Variants in TSPOAP1 observed in about 807,000 individuals in gnomAD.
TSPOAP1 encodes the protein peripheral-type benzodiazepine receptor-associated protein 1.
In TSPOAP1, 87 loss-of-function variants were observed where a neutral mutation model predicts 197.0. The observed-to-expected ratio is 0.44, with a 90% confidence interval of 0.37 to 0.53. The LOEUF is 0.53. Among genes scored for constraint, TSPOAP1 ranks in the 20% least tolerant of loss-of-function variants. TSPOAP1 has a pLI of 0.00. For synonymous variants in TSPOAP1, 913 were observed against 998.9 expected, an observed-to-expected ratio of 0.91 and a Z score of 1.62; for missense variants, 2,174 against 2,411.3, an observed-to-expected ratio of 0.90 and a Z score of 2.06.
At chr17:58,316,373 A>G in intron 15 of TSPOAP1, 52 bp downstream of exon 15, 3 of 1,518,626 alleles carry the variant, frequency 2.0e-6, no homozygotes, top group South Asian at 2.4e-5. Context: ...GCCCCCTCCT[A>G]TACCCCAAAT....
rs775872293 is a variant in TSPOAP1 at position 58,322,107 on chromosome 17, C to G, written c.1422+201G>C. 6.9e-6 allele frequency: 4 copies of G among 582,004 alleles called. No homozygotes were observed. Among genetic ancestry groups the G allele is most frequent in the African/African-American group, 1.9e-5 (1 of 53,256 alleles). The allele number at this position is 582,004 out of a possible 1,614,324, so 36.1% of individuals were successfully genotyped here. Reference sequence around the variant, plus strand: ...CACTTTGTCACATCACCCTGTTCTTCTCCACCACTGTGCTCATCAGTGTCT... The same window carrying G: ...CACTTTGTCACATCACCCTGTTCTTGTCCACCACTGTGCTCATCAGTGTCT... On this transcript the variant is annotated intron_variant, in intron 10 of 31. Transcript: ENST00000343736. The surrounding 1 kb of genome is among the most constrained non-coding windows in gnomAD (Gnocchi z 5.0).
chr17:58,312,359 T>C lies in TSPOAP1; in HGVS notation c.2462A>G (p.His821Arg), dbSNP rs142374154. The change falls in exon 17 of 32, where the codon CAC becomes CGC. Residue 821 changes from histidine to arginine, a missense_variant. This residue lies in a region of TSPOAP1 where 1,933 missense variants were observed against 2,139.0 expected (regional missense o/e 0.90). Coordinates refer to ENST00000343736, the MANE Select transcript of TSPOAP1 (RefSeq NM_004758.4). ...WEPPPEQVEL[H>R]GFHICVNGEL... Reference sequence around the variant, plus strand: ...CCCATTCACACAGATATGGAAGCCGTGTAGCTCCACTTGCTCAGGAGGCGG... The same window carrying C: ...CCCATTCACACAGATATGGAAGCCGCGTAGCTCCACTTGCTCAGGAGGCGG... The C allele has an allele frequency of 2.6e-4, 416 of 1,612,248 alleles. 2 individuals are homozygous for C. The African/African-American group carries it at 4.8e-3, about 19-fold the overall frequency.
chr17:58,324,708 C>T lies in TSPOAP1; in HGVS notation c.942+103G>A. On this transcript the variant is annotated intron_variant, in intron 5 of 31. Transcript: ENST00000343736. This position sits in a 1 kb window ranked among gnomAD's most constrained non-coding sequence, Gnocchi z 5.8. ...GCCCCTGGGAGTGCGCACACCACCA[C>T]TGAGTCCTTGGGGTTCTGAGCACGG... 1 of 1,064,308 alleles carries T rather than the reference C, an allele frequency of 9.4e-7. No individual in the cohort carries two copies. The highest frequency in any genetic ancestry group is 1.3e-6 in the Non-Finnish European group (1 of 788,128). 65.9% of individuals were successfully genotyped at this position (1,064,308 alleles called of 1,614,324 possible).
rs1971057368 is a variant in TSPOAP1 at position 58,310,821 on chromosome 17, C to T, written c.3459+15G>A. On this transcript the variant is annotated intron_variant, in intron 19 of 31. Coordinates refer to ENST00000343736, the MANE Select transcript of TSPOAP1 (RefSeq NM_004758.4). ...TGCCAGCCTGCACCTGCTCCCCTCT[C>T]CCCAGACAGGGTACCTGGGAGCAAG... 1 of 1,571,092 alleles carries T rather than the reference C, an allele frequency of 6.4e-7. No individual in the cohort carries two copies. The highest frequency in any genetic ancestry group is 8.6e-7 in the Non-Finnish European group (1 of 1,156,318).
intron 15 of TSPOAP1, 48 bp downstream of exon 15, chr17:58,316,377 C>T: frequency 3.2e-6 from 5 of 1,544,944 alleles, no homozygotes; most frequent in Non-Finnish European, 4.4e-6. Context: ...CCTCCTATAC[C>T]CCAAATGCTG....
Position 58,325,054 on chromosome 17 carries a change from G to A in TSPOAP1, c.751-52C>T, listed in dbSNP as rs554471787. 7.0e-6 allele frequency: 10 copies of A among 1,427,468 alleles called. 1 individual carries two copies. The South Asian group carries it at 1.3e-4, about 19-fold the overall frequency. The allele number at this position is 1,427,468 out of a possible 1,614,324, so 88.4% of individuals were successfully genotyped here. ...GGGGACTCAGGCCTAATCCTTGCCC[G>A]CCCCATGCCATCCCCTGCAGAGCCC... On this transcript the variant is annotated intron_variant, in intron 4 of 31. Coordinates refer to ENST00000343736, the MANE Select transcript of TSPOAP1 (RefSeq NM_004758.4).
In TSPOAP1 at chr17:58,314,196, C is replaced by T. The variant is rs1319159804; in HGVS notation, c.2099-1474G>A. 2.6e-5 allele frequency among the ~76,000 whole-genome samples: 4 copies of T among 151,850 alleles called. No individual in the cohort carries two copies. The East Asian group carries it at 7.7e-4, about 29-fold the overall frequency. On this transcript the variant is annotated intron_variant, in intron 16 of 31. Coordinates refer to ENST00000343736, the MANE Select transcript of TSPOAP1 (RefSeq NM_004758.4). ...TCACCTCCACCCTCTCTCTCTCTGC[C>T]TATGCTAGGCAAAAAAAAAGTAAGG...
Position 58,327,818 on chromosome 17 carries a change from G to A in TSPOAP1, c.103C>T (p.Pro35Ser). 3 of 1,614,106 alleles carry A rather than the reference G, an allele frequency of 1.9e-6. No individual in the cohort carries two copies. Among genetic ancestry groups the A allele is most frequent in the South Asian group, 1.1e-5 (1 of 91,090 alleles). Reference sequence around the variant, plus strand: ...GCGATGCTTGGGGCTGCACTGCTAGGTTCACCCCCTCGACCTGGAGTCCAG... The same window carrying A: ...GCGATGCTTGGGGCTGCACTGCTAGATTCACCCCCTCGACCTGGAGTCCAG... ...HSWTPGRGGE[P>S]SSAAPSIADT... The change falls in exon 1 of 32, where the codon CCT becomes TCT. Residue 35 changes from proline to serine, a missense_variant. Pro to Ser is a moderately conservative substitution (Grantham distance 74, BLOSUM62 -1). Around this residue, in one of 5 missense-constraint regions of TSPOAP1, gnomAD observed 1,933 missense variants for 2,139.0 expected, o/e 0.90. Coordinates refer to ENST00000343736, the MANE Select transcript of TSPOAP1 (RefSeq NM_004758.4).
Position 58,327,829 on chromosome 17 carries a change from C to A in TSPOAP1, c.92G>T (p.Arg31Leu). Reference protein sequence around the residue: ...LPTWHSWTPGRGGEPSSAAPS... With the variant: ...LPTWHSWTPGLGGEPSSAAPS... ...GGCTGCACTGCTAGGTTCACCCCCT[C>A]GACCTGGAGTCCAGCTATGCCAGGT... The change falls in exon 1 of 32, where the codon CGA becomes CTA. Residue 31 changes from arginine to leucine, a missense_variant. Physicochemically the swap from Arg to Leu is moderately radical, Grantham distance 102 (BLOSUM62 -2). Around this residue, in one of 5 missense-constraint regions of TSPOAP1, gnomAD observed 1,933 missense variants for 2,139.0 expected, o/e 0.90. Transcript: ENST00000343736. 1.9e-6 allele frequency: 3 copies of A among 1,614,022 alleles called. No homozygotes were observed. Among genetic ancestry groups the A allele is most frequent in the Non-Finnish European group, 2.5e-6 (3 of 1,180,006 alleles).
Position 58,326,676 on chromosome 17 carries a change from G to C in TSPOAP1, c.441+7C>G. 1 of 1,613,728 alleles carries C rather than the reference G, an allele frequency of 6.2e-7. No homozygotes were observed. Among genetic ancestry groups the C allele is most frequent in the Non-Finnish European group, 8.5e-7 (1 of 1,179,738 alleles). On this transcript the variant is annotated splice_region_variant and intron_variant, in intron 2 of 31. Transcript: ENST00000343736. This position sits in a 1 kb window ranked among gnomAD's most constrained non-coding sequence, Gnocchi z 4.7. ...CAGAACGCAGCACCCCAGTCTCCAA[G>C]CCTCACCAGCATCTGGTTTTCCTCC...
Position 58,310,141 on chromosome 17 carries a change from C to G in TSPOAP1, c.3717G>C (p.Glu1239Asp). 1 of 1,612,888 alleles carries G rather than the reference C, an allele frequency of 6.2e-7. No individual in the cohort carries two copies. Among genetic ancestry groups the G allele is most frequent in the Non-Finnish European group, 8.5e-7 (1 of 1,179,910 alleles). ...RPRAEKEDTA[E>D]LGVHLVNSLV... ...GGGAGTTCACCAGATGAACCCCAAG[C>G]TCTGCTGTGTCCTCCTTCTGCAAGA... is the stretch of plus-strand genomic sequence containing the variant. Residue 1239 changes from glutamate to aspartate, a missense_variant, in exon 21 of 32, where the codon GAG becomes GAC. Transcript: ENST00000343736.
intron 22 of TSPOAP1, 74 bp from the exon 23 acceptor site, chr17:58,308,015 C>T: frequency 1.4e-6 from 2 of 1,407,654 alleles, no homozygotes. Context: ...CCCAGCTCTG[C>T]CCCATCAGCG....
At position 58,305,653 on chromosome 17, in the gene TSPOAP1, G is replaced by C. The variant is rs781423628; in HGVS notation, c.5258-10C>G. The C allele has an allele frequency of 1.4e-6, 2 of 1,449,556 alleles. No homozygotes were observed. The highest frequency in any genetic ancestry group is 4.1e-5 in the Admixed American group (2 of 48,694). 89.8% of individuals were successfully genotyped at this position (1,449,556 alleles called of 1,614,324 possible). On this transcript the variant is annotated splice_polypyrimidine_tract_variant and intron_variant, in intron 27 of 31. Transcript: ENST00000343736. Reference sequence around the variant, plus strand: ...ACCAGCTTAGGGGGGCCTGCAGGGGGAGTAGGAGAAGACTCTGGACTCTCT... The same window carrying C: ...ACCAGCTTAGGGGGGCCTGCAGGGGCAGTAGGAGAAGACTCTGGACTCTCT...
rs3744101 is a variant in TSPOAP1, at chr17:58,310,101, G to C, written c.3757C>G (p.Arg1253Gly). ...TGGATGTCTGACAGGTCTGAGTTGC[G>C]GCCGTGGTCCACGAGGGAGTTCACC... is the stretch of plus-strand genomic sequence containing the variant. ...HLVNSLVDHGRNSDLSDIQEE... is the reference protein window; with the variant it reads ...HLVNSLVDHGGNSDLSDIQEE... The change falls in exon 21 of 32, where the codon CGC (arginine) becomes GGC (glycine). Residue 1253 changes from arginine (R) to glycine (G), a missense_variant. Around this residue, in one of 5 missense-constraint regions of TSPOAP1, gnomAD observed 1,933 missense variants for 2,139.0 expected, o/e 0.90. Coordinates refer to ENST00000343736, the MANE Select transcript of TSPOAP1 (RefSeq NM_004758.4). 6.2e-7 allele frequency: 1 copy of C among 1,613,318 alleles called. No homozygotes were observed. Among genetic ancestry groups the C allele is most frequent in the Non-Finnish European group, 8.5e-7 (1 of 1,180,010 alleles).
chr17:58,320,993 A>G (rs761362466), intron 10 of TSPOAP1, among the ~76,000 whole-genome samples: 3 of 152,042 alleles, frequency 2.0e-5, no homozygotes, highest in African/African-American at 4.8e-5. Context: ...CTCTCTTCCT[A>G]GGGCTCCCAT....
At position 58,309,915 on chromosome 17, in the gene TSPOAP1, A is replaced by T. The variant is rs529287168; in HGVS notation, c.3891+52T>A. ...GAGCACCTGCTGACACACAGTGGGG[A>T]GGCCCCGGAGTTTGAGGCCTGGGGC... On this transcript the variant is annotated intron_variant, in intron 21 of 31. Coordinates refer to ENST00000343736, the MANE Select transcript of TSPOAP1 (RefSeq NM_004758.4). The surrounding 1 kb of genome is among the most constrained non-coding windows in gnomAD (Gnocchi z 5.0). 4 of 1,556,024 alleles carry T rather than the reference A, an allele frequency of 2.6e-6. No individual in the cohort carries two copies. Among genetic ancestry groups the T allele is most frequent in the African/African-American group, 2.7e-5 (2 of 73,910 alleles).
At chr17:58,314,136 G>A (rs113453716) in intron 16 of TSPOAP1, among the ~76,000 whole-genome samples, 2 of 151,978 alleles carry the variant, frequency 1.3e-5, no homozygotes, top group Non-Finnish European at 2.9e-5. Flanking sequence ...GCTGCAGGGG[G>A]GCCTGGAGTT....
chr17:58,316,689 C>T, intron 14 of TSPOAP1, 149 bp from the exon 15 acceptor site: 1 of 620,224 alleles, frequency 1.6e-6, no homozygotes, highest in Non-Finnish European at 2.8e-6. Flanking sequence ...GCAAGGACCC[C>T]CTGATGCTCT....
chr17:58,315,435 A>G (rs899437021), intron 16 of TSPOAP1, among the ~76,000 whole-genome samples: 69 of 152,312 alleles, frequency 4.5e-4, no homozygotes, highest in African/African-American at 1.6e-3. Flanking sequence ...TCCCAAGGCC[A>G]TGTCTTCCGC....
Sources: gnomAD v4.1 joint callset for allele counts (sites outside exome capture counted in the v4.1 genomes callset) on GRCh38, gnomAD v4.1.1 for gene constraint, gnomAD v4.1.1 regional missense constraint, Gnocchi (gnomAD v3.1) non-coding constraint, MANE v1.5 for transcripts, NCBI Gene and HGNC (gene_info 2026-07-23, HGNC 2026-07-21) for gene names.